DPP10: variants seen among roughly 807,000 people sequenced by gnomAD.
DPP10 encodes the protein dipeptidyl peptidase like 10.
A neutral mutation model predicts 120.9 loss-of-function variants in DPP10; 33 were observed. That is an observed-to-expected ratio of 0.27 (90% CI 0.21 to 0.37). The LOEUF (loss-of-function observed/expected upper bound fraction) is 0.37. Ranked by LOEUF, DPP10 falls within the 10% of genes least tolerant of loss-of-function variation. The pLI, the probability that DPP10 is intolerant of heterozygous loss-of-function variation, is 1.00. For missense variants in DPP10, 816 were observed against 942.8 expected (o/e 0.87, Z 1.76); for synonymous variants, 337 against 326.1 (o/e 1.03, Z -0.36).
chr2:115,659,440 T>A (rs1575460122), intron 5 of DPP10, among the ~76,000 whole-genome samples: 1 of 152,148 alleles, frequency 6.6e-6, no homozygotes, highest in South Asian at 2.1e-4. Flanking sequence ...TATTTCCAGT[T>A]GGTATCAAGA....
At chr2:115,337,661 TAAAAAAAAA>T (rs11458121) in intron 2 of DPP10, among the ~76,000 whole-genome samples, 3 of 71,684 alleles carry the variant, frequency 4.2e-5, no homozygotes, top group African/African-American at 1.7e-4. Flanking sequence ...AGGCTGCTCA[TAAAAAAAAA>T]AAAAAAAAAA....
intron 2 of DPP10, among the ~76,000 whole-genome samples, chr2:115,328,847 A>C (rs1303210925): frequency 6.6e-6 from 1 of 152,096 alleles, no homozygotes; most frequent in Non-Finnish European, 1.5e-5. Flanking sequence ...AAAATGATGC[A>C]TAAATAAATG....
chr2:115,628,290 T>G (rs1169232182), intron 5 of DPP10, among the ~76,000 whole-genome samples: 1 of 152,220 alleles, frequency 6.6e-6, no homozygotes, highest in Non-Finnish European at 1.5e-5. Context: ...CTTTTTTTCA[T>G]GCTTCTTGGC....
At chr2:115,169,912 T>TC (rs772776015) in intron 1 of DPP10, among the ~76,000 whole-genome samples, 4 of 152,194 alleles carry the variant, frequency 2.6e-5, no homozygotes, top group Non-Finnish European at 5.9e-5. Context: ...ATTATTCTTA[T>TC]CCCCACTCTC....
intron 1 of DPP10, among the ~76,000 whole-genome samples, chr2:114,469,867 GC>G (rs1679759729): frequency 6.6e-6 from 1 of 152,198 alleles, no homozygotes; most frequent in African/African-American, 2.4e-5. Flanking sequence ...CAGAGCAGAG[GC>G]CCTTCCTGCC....
intron 21 of DPP10, among the ~76,000 whole-genome samples, chr2:115,824,157 A>G (rs545133358): frequency 6.6e-6 from 1 of 152,246 alleles, no homozygotes; most frequent in African/African-American, 2.4e-5. Flanking sequence ...ACCTCCATAA[A>G]GCCAAAATTA....
At chr2:114,465,252 G>T (rs1324230567) in intron 1 of DPP10, among the ~76,000 whole-genome samples, 1 of 152,190 alleles carries the variant, frequency 6.6e-6, no homozygotes, top group African/African-American at 2.4e-5. Context: ...GGACACATAC[G>T]AAGTGTTTAG....
intron 1 of DPP10, among the ~76,000 whole-genome samples, chr2:114,849,287 T>C (rs1011133525): frequency 6.6e-6 from 1 of 152,142 alleles, no homozygotes; most frequent in African/African-American, 2.4e-5. Flanking sequence ...TCCCTTTGCT[T>C]TGCTGTCTTC....
intron 1 of DPP10, among the ~76,000 whole-genome samples, chr2:114,965,898 A>G (rs140129856): frequency 0.02 from 2,634 of 132,994 alleles, 42 homozygotes; most frequent in Admixed American, 0.034. Context: ...CCCGGGAGGC[A>G]GGGCTTGCGG....
At chr2:114,458,564 G>A (rs1678705429) in intron 1 of DPP10, among the ~76,000 whole-genome samples, 1 of 152,058 alleles carries the variant, frequency 6.6e-6, no homozygotes, top group Non-Finnish European at 1.5e-5. Context: ...AACAATGTGC[G>A]CTTTGGAATC....
intron 5 of DPP10, among the ~76,000 whole-genome samples, chr2:115,629,421 C>A (rs2085653725): frequency 6.6e-6 from 1 of 152,080 alleles, no homozygotes; most frequent in Non-Finnish European, 1.5e-5. Context: ...AACTAGTTTA[C>A]AGTCCCACCA....
At chr2:115,435,202 CA>C (rs1234301518) in intron 3 of DPP10, among the ~76,000 whole-genome samples, 1 of 151,784 alleles carries the variant, frequency 6.6e-6, no homozygotes, top group Non-Finnish European at 1.5e-5. Flanking sequence ...GTGTACCCAG[CA>C]GCGAGATTGA....
chr2:114,864,324 G>A (rs1430088544), intron 1 of DPP10, among the ~76,000 whole-genome samples: 1 of 152,154 alleles, frequency 6.6e-6, no homozygotes, highest in Non-Finnish European at 1.5e-5. Context: ...CTGGGAATAT[G>A]GTGTTGACCA....
At chr2:114,489,680 T>C (rs1414557306) in intron 1 of DPP10, among the ~76,000 whole-genome samples, 2 of 152,100 alleles carry the variant, frequency 1.3e-5, no homozygotes, top group Admixed American at 6.5e-5. Context: ...ATGGAGTATA[T>C]GAATTTGGGA....
intron 1 of DPP10, among the ~76,000 whole-genome samples, chr2:115,132,573 T>C (rs2050416268): frequency 6.6e-6 from 1 of 152,148 alleles, no homozygotes; most frequent in South Asian, 2.1e-4. Flanking sequence ...GCCACAAGGA[T>C]TCTTTTTTGT....
intron 1 of DPP10, among the ~76,000 whole-genome samples, chr2:115,291,603 T>C (rs2060657315): frequency 6.6e-6 from 1 of 152,100 alleles, no homozygotes; most frequent in Non-Finnish European, 1.5e-5. Context: ...TATTTACACA[T>C]TTTTTTCATC....
chr2:115,345,883 T>A (rs776140674), intron 3 of DPP10, among the ~76,000 whole-genome samples: 38 of 152,358 alleles, frequency 2.5e-4, no homozygotes, highest in South Asian at 8.3e-4. Flanking sequence ...ATTGGTTAAA[T>A]TTGATCCTAA....
At chr2:115,432,934 A>G (rs1288488538) in intron 3 of DPP10, among the ~76,000 whole-genome samples, 2 of 151,970 alleles carry the variant, frequency 1.3e-5, no homozygotes, top group African/African-American at 4.8e-5. Flanking sequence ...TATGGTCCAG[A>G]TTGATGGCAT....
intron 5 of DPP10, among the ~76,000 whole-genome samples, chr2:115,591,933 G>A (rs2082689690): frequency 6.6e-6 from 1 of 152,032 alleles, no homozygotes; most frequent in African/African-American, 2.4e-5. Context: ...ATTGTGAATG[G>A]GAGTTCACTC....
Sources: allele counts gnomAD v4.1 joint callset (sites outside exome capture counted in the v4.1 genomes callset), GRCh38; gene constraint gnomAD v4.1.1; transcripts MANE v1.5; gene names NCBI Gene and HGNC (gene_info 2026-07-23, HGNC 2026-07-21).